The following DLC1 variants were observed in gnomAD, a reference collection of about 807,000 sequenced individuals.
DLC1 encodes DLC1 Rho GTPase activating protein.
Under a neutral mutation model 140.3 loss-of-function variants are expected in DLC1, and 54 were observed. The ratio of observed to expected loss-of-function variants is 0.38; its 90% CI spans 0.31 to 0.48. DLC1 has a LOEUF of 0.48. Among genes scored for constraint, DLC1 ranks in the 20% least tolerant of loss-of-function variants. The pLI is 0.96. For synonymous variants in DLC1, 986 were observed against 728.1 expected (o/e 1.35, Z -5.70); for missense variants, 2,536 against 1,907.0 (o/e 1.33, Z -6.14).
At chr8:13,359,625 G>T (rs1318447983) in intron 4 of DLC1, among the ~76,000 whole-genome samples, 2 of 152,146 alleles carry the variant, frequency 1.3e-5, no homozygotes, top group Non-Finnish European at 2.9e-5. Context: ...AATCATAAGG[G>T]TAGTTTCATG....
At chr8:13,533,493 T>C (rs949118916) in intron 1 of DLC1, among the ~76,000 whole-genome samples, 3 of 152,186 alleles carry the variant, frequency 2.0e-5, no homozygotes, top group South Asian at 2.1e-4. Context: ...ATGTAGCATG[T>C]TGTAATTTTC....
intron 5 of DLC1, among the ~76,000 whole-genome samples, chr8:13,155,224 A>C (rs1563116919): frequency 6.6e-6 from 1 of 151,646 alleles, no homozygotes; most frequent in Non-Finnish European, 1.5e-5. Flanking sequence ...TTATATGGCT[A>C]TATCCTAATT....
intron 5 of DLC1, among the ~76,000 whole-genome samples, chr8:13,271,501 G>T (rs1252084732): frequency 6.6e-6 from 1 of 152,102 alleles, no homozygotes; most frequent in African/African-American, 2.4e-5. Flanking sequence ...AATCTATTTT[G>T]CAAAAGACAT....
intron 10 of DLC1, among the ~76,000 whole-genome samples, chr8:13,096,830 G>A (rs1349998017): frequency 6.6e-6 from 1 of 152,178 alleles, no homozygotes; most frequent in Non-Finnish European, 1.5e-5. Flanking sequence ...TAATGAAATG[G>A]GCGGCTTCTC....
At chr8:13,210,959 C>T (rs1357881060) in intron 5 of DLC1, among the ~76,000 whole-genome samples, 1 of 152,130 alleles carries the variant, frequency 6.6e-6, no homozygotes, top group African/African-American at 2.4e-5. Context: ...CTTTCTCATT[C>T]TTCTAGACTT....
chr8:13,090,809 C>CT (rs34506663), intron 14 of DLC1, among the ~76,000 whole-genome samples: 81,385 of 140,604 alleles, frequency 0.58, 23,819 homozygotes, highest in African/African-American at 0.68. Context: ...TTCTTTCTTT[C>CT]TTTTTTTTTT....
At chr8:13,602,492 C>A (rs1171073382) in intron 1 of DLC1, among the ~76,000 whole-genome samples, 1 of 151,594 alleles carries the variant, frequency 6.6e-6, no homozygotes, top group Non-Finnish European at 1.5e-5. Context: ...TTTGTAAATA[C>A]TAAAATATTT....
intron 10 of DLC1, 82 bp downstream of exon 10, chr8:13,098,317 T>C: frequency 6.6e-7 from 1 of 1,514,616 alleles, no homozygotes; most frequent in Non-Finnish European, 9.0e-7. Context: ...AGAAGTGTCA[T>C]TTTTTACTGT....
chr8:13,406,181 G>GTTTT (rs77753653), intron 2 of DLC1, among the ~76,000 whole-genome samples: 24 of 84,958 alleles, frequency 2.8e-4, no homozygotes, highest in South Asian at 5.0e-4. Flanking sequence ...TAATTTTTGT[G>GTTTT]TTTTTTTTTT....
chr8:13,246,608 C>G (rs1010789366), intron 5 of DLC1, among the ~76,000 whole-genome samples: 1 of 151,690 alleles, frequency 6.6e-6, no homozygotes, highest in Non-Finnish European at 1.5e-5. Context: ...AATGCAGTTT[C>G]TCATCAGGTT....
intron 7 of DLC1, among the ~76,000 whole-genome samples, chr8:13,109,016 G>A (rs927760672): frequency 2.6e-5 from 4 of 152,198 alleles, no homozygotes; most frequent in Non-Finnish European, 5.9e-5. Context: ...CTACAAAAGT[G>A]ACAGCGTTTC....
chr8:13,502,642 A>T (rs1178769496), intron 1 of DLC1, among the ~76,000 whole-genome samples: 3 of 152,238 alleles, frequency 2.0e-5, no homozygotes, highest in African/African-American at 4.8e-5. Context: ...ATTATAATCT[A>T]TCCCCTAATA....
intron 2 of DLC1, among the ~76,000 whole-genome samples, chr8:13,496,608 A>C (rs1801515924): frequency 6.6e-6 from 1 of 151,694 alleles, no homozygotes; most frequent in African/African-American, 2.4e-5. Context: ...ACCTACACAC[A>C]CACATTTTGA....
chr8:13,221,394 G>A (rs147707140), intron 5 of DLC1, among the ~76,000 whole-genome samples: 333 of 149,424 alleles, frequency 2.2e-3, no homozygotes, highest in African/African-American at 7.1e-3. Flanking sequence ...GTTTTGAGAC[G>A]GAGCCTTGCT....
chr8:13,506,581 G>GTGTGTGTGTGTATA (rs1246764417), intron 1 of DLC1, among the ~76,000 whole-genome samples: 195 of 131,070 alleles, frequency 1.5e-3, no homozygotes, highest in African/African-American at 4.9e-3. Context: ...GTGTGTGTGT[G>GTGTGTGTGTGTATA]TATATATATA....
At chr8:13,273,449 CTGGGCA>C (rs1831030083) in intron 5 of DLC1, among the ~76,000 whole-genome samples, 1 of 152,092 alleles carries the variant, frequency 6.6e-6, no homozygotes, top group Non-Finnish European at 1.5e-5. Context: ...TGGGATGTAA[CTGGGCA>C]GAAAAAGGGG....
chr8:13,260,025 T>A (rs1216087940), intron 5 of DLC1, among the ~76,000 whole-genome samples: 1 of 152,068 alleles, frequency 6.6e-6, no homozygotes, highest in African/African-American at 2.4e-5. Context: ...ATGAAGGGGA[T>A]CATGGTACAT....
rs1675041786 is a variant in DLC1, at chr8:13,435,347, C to G, written c.1024-33728G>C. Among the ~76,000 whole-genome samples, 5 of 151,964 alleles carry G rather than the reference C, an allele frequency of 3.3e-5. No homozygotes were observed. The South Asian group carries it at 1.0e-3, about 32-fold the overall frequency. ...TTCTTTTTTGAGACAGAGTTTCACTCTTGTTGCCCAGGCTGGAGTGCAATG... is the reference window on the plus strand; with the variant it reads ...TTCTTTTTTGAGACAGAGTTTCACTGTTGTTGCCCAGGCTGGAGTGCAATG... On this transcript the variant is annotated intron_variant, in intron 2 of 17. Transcript: ENST00000276297.
At chr8:13,337,919 A>G (rs975430087) in intron 4 of DLC1, among the ~76,000 whole-genome samples, 1 of 152,224 alleles carries the variant, frequency 6.6e-6, no homozygotes, top group South Asian at 2.1e-4. Context: ...TAGGAATTGT[A>G]TATGCAATTT....
Sources: allele counts gnomAD v4.1 joint callset (sites outside exome capture counted in the v4.1 genomes callset), GRCh38; gene constraint gnomAD v4.1.1; transcripts MANE v1.5; gene names NCBI Gene and HGNC (gene_info 2026-07-23, HGNC 2026-07-21).